Variants in SLC25A28 observed in about 807,000 individuals in gnomAD.
SLC25A28 encodes the protein solute carrier family 25 member 28.
SLC25A28 carries 10 observed loss-of-function variants against 31.9 expected under a neutral mutation model. The ratio of observed to expected loss-of-function variants is 0.31; its 90% CI spans 0.19 to 0.53. The LOEUF is 0.53. Ranked by LOEUF, SLC25A28 falls within the 20% of genes least tolerant of loss-of-function variation. The pLI is 0.95. For synonymous variants in SLC25A28, 208 were observed against 203.6 expected (o/e 1.02, Z -0.19); for missense variants, 256 against 490.3 (o/e 0.52, Z 4.51).
In SLC25A28 at chr10:99,611,963, C is replaced by G. The variant is rs1319314472; in HGVS notation, c.577+580G>C. Among the ~76,000 whole-genome samples, 1 of 152,214 alleles carries G rather than the reference C, an allele frequency of 6.6e-6. No individual in the cohort carries two copies. The highest frequency in any genetic ancestry group is 1.9e-4 in the East Asian group (1 of 5,192). On this transcript the variant is annotated intron_variant, in intron 3 of 3. Transcript: ENST00000370495. This position sits in a 1 kb window ranked among gnomAD's most constrained non-coding sequence, Gnocchi z 5.5. ...AGCTTAGCTTTGGCTCTTTCCACCCCATGGCCTTGCCCAGACAGAAAATGA... is the reference window on the plus strand; with the variant it reads ...AGCTTAGCTTTGGCTCTTTCCACCCGATGGCCTTGCCCAGACAGAAAATGA...
chr10:99,624,190 T>C (rs1483411488), upstream of SLC25A28, among the ~76,000 whole-genome samples: 1 of 151,568 alleles, frequency 6.6e-6, no homozygotes, highest in African/African-American at 2.4e-5. Flanking sequence ...TTTTCTTCCT[T>C]CCTTCTTTCT....
intron 1 of SLC25A28, chr10:99,618,259 C>A (rs183989166): frequency 1.0e-6 from 1 of 980,768 alleles, no homozygotes; most frequent in Non-Finnish European, 1.2e-6. Flanking sequence ...GAGATAACCT[C>A]CCGTTCTGTT....
Position 99,612,698 on chromosome 10 carries a change from G to A in SLC25A28, c.521-99C>T, listed in dbSNP as rs528810841. On this transcript the variant is annotated intron_variant, in intron 2 of 3. Transcript: ENST00000370495. ...GGGAGTGGCTGTGCTACACTACAGC[G>A]GGGAAAAGTAACGTTAAGAGCTAGT... The A allele has an allele frequency of 1.9e-3, 2,526 of 1,362,756 alleles. 9 individuals carry two copies. The highest frequency in any genetic ancestry group is 2.2e-3 in the Non-Finnish European group (2,055 of 954,044). 84.4% of individuals were successfully genotyped at this position (1,362,756 alleles called of 1,614,324 possible).
chr10:99,642,950 T>C, the SLC25A28 span, among the ~76,000 whole-genome samples: 1 of 152,190 alleles, frequency 6.6e-6, no homozygotes, highest in Non-Finnish European at 1.5e-5. Flanking sequence ...TTTTGATGTG[T>C]TGCTGGATTC....
At chr10:99,620,506 G>A (rs1565024031), upstream of SLC25A28, 3 of 1,042,134 alleles carry the variant, frequency 2.9e-6, no homozygotes, top group Non-Finnish European at 3.5e-6. Flanking sequence ...GAGACGCCAA[G>A]TTAGACCCAC....
At chr10:99,632,256 G>A in the SLC25A28 span, among the ~76,000 whole-genome samples, 1 of 152,092 alleles carries the variant, frequency 6.6e-6, no homozygotes, top group African/African-American at 2.4e-5. Flanking sequence ...ATTGTATTAG[G>A]TATTATAAGT....
At chr10:99,612,659 G>T in intron 2 of SLC25A28, 60 bp from the exon 3 acceptor site, 1 of 1,591,288 alleles carries the variant, frequency 6.3e-7, no homozygotes. Context: ...ACTCATTGAG[G>T]TCCCCCAGTG....
Position 99,612,577 on chromosome 10 carries a change from T to C in SLC25A28, c.543A>G (p.Thr181=). ...GGTTCATGGCTGCATCATGAAGTAA[T>C]GTTGCCACACACCCGGCCGCACCTG... ...IANGAAGCVA[T]LLHDAAMNPA... Residue 181 remains threonine, a synonymous_variant, in exon 3 of 4, where the codon ACA becomes ACG. Coordinates refer to ENST00000370495, the MANE Select transcript of SLC25A28 (RefSeq NM_031212.4). 3 of 1,614,204 alleles carry C rather than the reference T, an allele frequency of 1.9e-6. No individual in the cohort carries two copies. Among genetic ancestry groups the C allele is most frequent in the Non-Finnish European group, 2.5e-6 (3 of 1,180,054 alleles).
the SLC25A28 span, among the ~76,000 whole-genome samples, chr10:99,629,627 T>C: frequency 6.6e-6 from 1 of 152,230 alleles, no homozygotes; most frequent in Non-Finnish European, 1.5e-5. Context: ...ATAATGTGAA[T>C]GAATCTTGAA....
At chr10:99,618,069 C>T (rs1187687224) in intron 1 of SLC25A28, among the ~76,000 whole-genome samples, 1 of 152,242 alleles carries the variant, frequency 6.6e-6, no homozygotes, top group Non-Finnish European at 1.5e-5. Context: ...TGACCTCCCA[C>T]TTTATTCACC....
the SLC25A28 span, among the ~76,000 whole-genome samples, chr10:99,643,140 G>A: frequency 3.3e-5 from 5 of 152,274 alleles, no homozygotes; most frequent in African/African-American, 1.2e-4. Context: ...CAGAAGGAAT[G>A]GTACCAGCTC....
the SLC25A28 span, among the ~76,000 whole-genome samples, chr10:99,641,374 G>C: frequency 6.6e-6 from 1 of 152,162 alleles, no homozygotes; most frequent in Admixed American, 6.5e-5. Flanking sequence ...CTTTTGAGAA[G>C]TGTCTGTTCA....
At chr10:99,616,197 G>A (rs932606902) in intron 1 of SLC25A28, 2 of 985,386 alleles carry the variant, frequency 2.0e-6, no homozygotes, top group African/African-American at 1.7e-5. Context: ...CAACCCAGTA[G>A]AGAGGTAAGT....
At chr10:99,612,431 T>C in intron 3 of SLC25A28, 112 bp downstream of exon 3, 4 of 1,233,326 alleles carry the variant, frequency 3.2e-6, no homozygotes, top group Non-Finnish European at 3.5e-6. Flanking sequence ...CACCCTCTAG[T>C]GGTAAAACAA....
chr10:99,653,650 C>G, the SLC25A28 span, among the ~76,000 whole-genome samples: 1 of 152,208 alleles, frequency 6.6e-6, no homozygotes, highest in Non-Finnish European at 1.5e-5. Context: ...TTGATCCTTC[C>G]GCTTTTTTCA....
chr10:99,620,987 G>A, upstream of SLC25A28: 2 of 985,200 alleles, frequency 2.0e-6, no homozygotes, highest in Non-Finnish European at 2.4e-6. Context: ...ACGCGTGGCT[G>A]GAGAGCGGGC....
At chr10:99,618,062 C>T (rs567761959) in intron 1 of SLC25A28, among the ~76,000 whole-genome samples, 26 of 152,318 alleles carry the variant, frequency 1.7e-4, no homozygotes, top group Non-Finnish European at 2.9e-4. Flanking sequence ...CCCATTTTGA[C>T]CTCCCACTTT....
chr10:99,632,143 G>A, the SLC25A28 span, among the ~76,000 whole-genome samples: 2 of 151,764 alleles, frequency 1.3e-5, no homozygotes, highest in Admixed American at 1.3e-4. Flanking sequence ...TGATCCACCC[G>A]CCTCGGCCTC....
In SLC25A28 at chr10:99,612,617, A is replaced by G. The variant is rs762281240; in HGVS notation, c.521-18T>C. On this transcript the variant is annotated intron_variant, in intron 2 of 3. Coordinates refer to ENST00000370495, the MANE Select transcript of SLC25A28 (RefSeq NM_031212.4). ...GGCCGCACCTGCAAACAAGAAAACA[A>G]CTGCCACATGTAAGGCCAAGAGAGC... 1.2e-6 allele frequency: 2 copies of G among 1,614,002 alleles called. No individual in the cohort carries two copies. Among genetic ancestry groups the G allele is most frequent in the Non-Finnish European group, 1.7e-6 (2 of 1,180,018 alleles).
Sources: gnomAD v4.1 joint callset for allele counts (sites outside exome capture counted in the v4.1 genomes callset) on GRCh38, gnomAD v4.1.1 for gene constraint, Gnocchi (gnomAD v3.1) non-coding constraint, MANE v1.5 for transcripts, NCBI Gene and HGNC (gene_info 2026-07-23, HGNC 2026-07-21) for gene names.